Variants in UBR1 observed in about 807,000 individuals in gnomAD.
UBR1 encodes E3 ubiquitin-protein ligase UBR1.
A neutral mutation model predicts 242.1 loss-of-function variants in UBR1; 102 were observed. That is an observed-to-expected ratio of 0.42 (90% CI 0.36 to 0.50). UBR1 has a LOEUF of 0.50. Ranked by LOEUF, UBR1 falls within the 20% of genes least tolerant of loss-of-function variation. The pLI, the probability that UBR1 is intolerant of heterozygous loss-of-function variation, is 0.01. For synonymous variants in UBR1, 675 were observed against 684.8 expected (o/e 0.99, Z 0.22); for missense variants, 1,772 against 2,101.8 (o/e 0.84, Z 3.07).
chr15:43,080,904 T>C (rs951136928), intron 3 of UBR1, among the ~76,000 whole-genome samples: 3 of 152,110 alleles, frequency 2.0e-5, no homozygotes, highest in Non-Finnish European at 2.9e-5. Flanking sequence ...TGAACCAAGA[T>C]TGTGCCACTG....
intron 3 of UBR1, among the ~76,000 whole-genome samples, chr15:43,082,005 G>A (rs1003051232): frequency 7.9e-5 from 12 of 151,788 alleles, no homozygotes; most frequent in Non-Finnish European, 1.5e-4. Flanking sequence ...AAAGCACAAT[G>A]TATAATTTTA....
At chr15:42,952,504 A>G in intron 44 of UBR1, 56 bp from the exon 45 acceptor site, 1 of 1,572,622 alleles carries the variant, frequency 6.4e-7, no homozygotes, top group Non-Finnish European at 8.7e-7. Context: ...AAAACAAATA[A>G]GTACCATATA....
intron 29 of UBR1, among the ~76,000 whole-genome samples, chr15:43,014,846 C>G (rs2032990108): frequency 6.6e-6 from 1 of 151,068 alleles, no homozygotes; most frequent in Non-Finnish European, 1.5e-5. Context: ...GGGGTCAGCC[C>G]CCGCCCGGCC....
chr15:43,069,860 G>T (rs2033802704), intron 5 of UBR1, among the ~76,000 whole-genome samples: 1 of 152,148 alleles, frequency 6.6e-6, no homozygotes, highest in Admixed American at 6.6e-5. Context: ...CCAACATAAA[G>T]TGACTTAAAA....
intron 39 of UBR1, among the ~76,000 whole-genome samples, chr15:42,972,192 C>A (rs560506526): frequency 6.6e-6 from 1 of 152,290 alleles, no homozygotes; most frequent in African/African-American, 2.4e-5. Flanking sequence ...TCCCCCAACA[C>A]CCTTACCCCT....
chr15:43,033,866 G>C (rs569584307), intron 19 of UBR1, among the ~76,000 whole-genome samples: 1 of 152,240 alleles, frequency 6.6e-6, no homozygotes, highest in Non-Finnish European at 1.5e-5. Context: ...CAATTTGAGA[G>C]GCCAGGGCAG....
At chr15:43,040,691 C>T (rs887697628) in intron 15 of UBR1, among the ~76,000 whole-genome samples, 1 of 152,160 alleles carries the variant, frequency 6.6e-6, no homozygotes, top group Non-Finnish European at 1.5e-5. Context: ...TTGCAATCTA[C>T]TCATCTGACA....
intron 4 of UBR1, among the ~76,000 whole-genome samples, chr15:43,072,379 C>T (rs1236107227): frequency 6.6e-6 from 1 of 152,134 alleles, no homozygotes; most frequent in East Asian, 1.9e-4. Context: ...GCGTGAGCCA[C>T]CAGTTGTGTG....
intron 1 of UBR1, among the ~76,000 whole-genome samples, chr15:43,087,188 G>C (rs879325417): frequency 6.6e-6 from 1 of 151,994 alleles, no homozygotes; most frequent in Non-Finnish European, 1.5e-5. Context: ...GGTGGATCAC[G>C]AGGTCAGGAG....
chr15:43,102,583 C>G (rs978755206), intron 1 of UBR1, among the ~76,000 whole-genome samples: 3 of 152,120 alleles, frequency 2.0e-5, no homozygotes, highest in Non-Finnish European at 4.4e-5. Flanking sequence ...AAAATCTAGT[C>G]GAGGAAGACA....
chr15:42,978,784 A>G (rs568604066), intron 37 of UBR1, among the ~76,000 whole-genome samples: 1 of 148,420 alleles, frequency 6.7e-6, no homozygotes, highest in East Asian at 2.0e-4. Context: ...GCAGGAGTGC[A>G]GTGGCATGAT....
At chr15:42,967,361 C>A (rs1281665909) in intron 40 of UBR1, among the ~76,000 whole-genome samples, 1 of 150,856 alleles carries the variant, frequency 6.6e-6, no homozygotes, top group Non-Finnish European at 1.5e-5. Flanking sequence ...CCGTGACTGG[C>A]CTAAAATAAA....
At chr15:42,978,336 T>C (rs978197061) in intron 37 of UBR1, among the ~76,000 whole-genome samples, 8 of 152,156 alleles carry the variant, frequency 5.3e-5, no homozygotes, top group Non-Finnish European at 1.0e-4. Context: ...GTGAACAAAA[T>C]TGGGGTTGTG....
intron 1 of UBR1, among the ~76,000 whole-genome samples, chr15:43,100,546 C>T (rs918780478): frequency 6.6e-6 from 1 of 152,086 alleles, no homozygotes; most frequent in Non-Finnish European, 1.5e-5. Flanking sequence ...TACCAAGATA[C>T]ATCAATGTGG....
chr15:43,063,038 C>T (rs569552649), intron 6 of UBR1, among the ~76,000 whole-genome samples: 1 of 152,264 alleles, frequency 6.6e-6, no homozygotes, highest in South Asian at 2.1e-4. Context: ...TTCTTCTAGC[C>T]AAGGAGTACA....
intron 1 of UBR1, among the ~76,000 whole-genome samples, chr15:43,102,473 C>T (rs2034249200): frequency 1.3e-5 from 2 of 152,084 alleles, no homozygotes; most frequent in South Asian, 4.1e-4. Flanking sequence ...TTTAAAGTCA[C>T]AGAACTAGAT....
intron 37 of UBR1, among the ~76,000 whole-genome samples, chr15:42,980,105 G>A (rs1226996125): frequency 6.6e-6 from 1 of 152,004 alleles, no homozygotes; most frequent in Non-Finnish European, 1.5e-5. Flanking sequence ...CAATGTTACA[G>A]CTTACTCAAA....
intron 3 of UBR1, among the ~76,000 whole-genome samples, chr15:43,080,996 T>C (rs1339907916): frequency 6.6e-6 from 1 of 152,150 alleles, no homozygotes; most frequent in East Asian, 1.9e-4. Flanking sequence ...GGACATAAGT[T>C]TTCAATTCAT....
intron 29 of UBR1, among the ~76,000 whole-genome samples, chr15:43,008,746 C>T (rs975700176): frequency 5.9e-5 from 9 of 152,250 alleles, no homozygotes; most frequent in African/African-American, 2.2e-4. Context: ...CTTCTGAAGC[C>T]CCTAAAAACC....
Sources: allele counts gnomAD v4.1 joint callset (sites outside exome capture counted in the v4.1 genomes callset), GRCh38; gene constraint gnomAD v4.1.1; transcripts MANE v1.5; gene names NCBI Gene and HGNC (gene_info 2026-07-23, HGNC 2026-07-21).